The following DMAC2L variants were observed in gnomAD, a reference collection of about 807,000 sequenced individuals.
DMAC2L encodes distal membrane arm assembly component 2 like, also known as ATP synthase subunit s, mitochondrial.
Under a neutral mutation model 22.5 loss-of-function variants are expected in DMAC2L, and 21 were observed. The ratio of observed to expected loss-of-function variants is 0.93; its 90% CI spans 0.66 to 1.34. The LOEUF (loss-of-function observed/expected upper bound fraction) is 1.34. Ranked by LOEUF, DMAC2L falls within the 40% of genes most tolerant of loss-of-function variation. The pLI is 0.00. For synonymous variants in DMAC2L, 86 were observed against 89.5 expected (o/e 0.96, Z 0.22); for missense variants, 239 against 246.5 (o/e 0.97, Z 0.20).
intron 2 of DMAC2L, among the ~76,000 whole-genome samples, chr14:50,319,574 G>A (rs1350369341): frequency 6.6e-6 from 1 of 152,140 alleles, no homozygotes; most frequent in Non-Finnish European, 1.5e-5. Context: ...GTTTCAGAAA[G>A]GATTTAGGAT....
rs1255315924 is a variant in DMAC2L at position 50,324,126 on chromosome 14, C to A, written c.488+10C>A. 1.3e-6 allele frequency: 2 copies of A among 1,594,844 alleles called. No individual in the cohort carries two copies. The highest frequency in any genetic ancestry group is 4.5e-5 in the East Asian group (2 of 44,234). ...CTTTGCGTCATTTAAGGTAGATGAT[C>A]AAAGCCAAAGTGGAAACTTGATAAT... On this transcript the variant is annotated intron_variant, in intron 5 of 5. Transcript: ENST00000557421.
intron 2 of DMAC2L, among the ~76,000 whole-genome samples, chr14:50,315,523 G>A (rs1357555197): frequency 2.6e-5 from 4 of 151,590 alleles, no homozygotes; most frequent in Non-Finnish European, 4.4e-5. Context: ...TTAGCTGGGC[G>A]TGGTGGCATA....
upstream of DMAC2L, chr14:50,311,979 G>A (rs1461492306): frequency 3.2e-6 from 5 of 1,546,362 alleles, no homozygotes; most frequent in African/African-American, 2.7e-5. Context: ...GGGCAGCAGC[G>A]CAGGCGGCGG....
At chr14:50,312,701 C>A (rs2031353314) in intron 1 of DMAC2L, 1 of 368,832 alleles carries the variant, frequency 2.7e-6, no homozygotes, top group African/African-American at 2.2e-5. Context: ...GACGGAGGGC[C>A]TGGGCACCCA....
At chr14:50,317,631 G>A (rs950664961) in intron 2 of DMAC2L, among the ~76,000 whole-genome samples, 7 of 152,086 alleles carry the variant, frequency 4.6e-5, no homozygotes, top group Non-Finnish European at 7.4e-5. Flanking sequence ...TTAGCCGGAC[G>A]TGGTGGTGGG....
Position 50,325,880 on chromosome 14 carries a change from G to C in DMAC2L, c.*157G>C. The C allele has an allele frequency of 7.7e-7, 1 of 1,292,242 alleles. No homozygotes were observed. Among genetic ancestry groups the C allele is most frequent in the Non-Finnish European group, 9.8e-7 (1 of 1,017,486 alleles). The allele number at this position is 1,292,242 out of a possible 1,614,324, so 80.0% of individuals were successfully genotyped here. A position where few individuals can be genotyped will look rare whatever the true frequency, so the allele number is the denominator to read the frequency against. ...ATATGTAGAAAATAAATATTCAGACGTGGCTCATTAATGTTACTAAGTTGG... is the reference window on the plus strand; with the variant it reads ...ATATGTAGAAAATAAATATTCAGACCTGGCTCATTAATGTTACTAAGTTGG... On this transcript the variant is annotated 3_prime_UTR_variant, in exon 6 of 6. Coordinates refer to ENST00000557421, the MANE Select transcript of DMAC2L (RefSeq NM_001382507.1).
intron 1 of DMAC2L, chr14:50,313,130 A>G: frequency 3.1e-6 from 4 of 1,283,774 alleles, no homozygotes; most frequent in Middle Eastern, 1.8e-4. Flanking sequence ...AGGACCTTCT[A>G]ACTCTTTAAA....
upstream of DMAC2L, among the ~76,000 whole-genome samples, chr14:50,311,607 C>T (rs1401735601): frequency 1.3e-5 from 2 of 152,160 alleles, no homozygotes; most frequent in East Asian, 3.9e-4. Context: ...CCAAGCAACG[C>T]CAAAGACTCC....
rs1446339548 is a variant in DMAC2L, at chr14:50,326,319, A to C, written c.*596A>C. On this transcript the variant is annotated 3_prime_UTR_variant, in exon 6 of 6. Transcript: ENST00000557421. The stretch of plus-strand genomic sequence containing the variant: ...TAAATCTATAGATATCTCTTGATGT[A>C]GATATTTAGAATCCTTTAAAGTTAT... 2.7e-5 allele frequency: 16 copies of C among 591,012 alleles called. No homozygotes were observed. The highest frequency in any genetic ancestry group is 3.4e-5 in the Non-Finnish European group (16 of 470,234). The allele number at this position is 591,012 out of a possible 1,614,324, so 36.6% of individuals were successfully genotyped here. A position where few individuals can be genotyped will look rare whatever the true frequency, so the allele number is the denominator to read the frequency against.
At chr14:50,324,701 C>G (rs2032570488) in intron 5 of DMAC2L, 1 of 152,178 alleles carries the variant, frequency 6.6e-6, no homozygotes, top group South Asian at 2.1e-4. Context: ...ATAATACTAG[C>G]AAGGAATGTT....
At chr14:50,317,202 G>A (rs1275962940) in intron 2 of DMAC2L, among the ~76,000 whole-genome samples, 1 of 152,080 alleles carries the variant, frequency 6.6e-6, no homozygotes, top group Non-Finnish European at 1.5e-5. Flanking sequence ...ATTATAAAAG[G>A]GGTTGAGTTC....
chr14:50,326,496 T>TG lies in DMAC2L; in HGVS notation c.*774dup, dbSNP rs1324679168. On this transcript the variant is annotated 3_prime_UTR_variant, in exon 6 of 6. Coordinates refer to ENST00000557421, the MANE Select transcript of DMAC2L (RefSeq NM_001382507.1). ...ATTATGCAAAGTGGTCAGTGGTTGT[T>TG]GAAGCATGCATTGCTTCAACAGGAT... 1 of 985,310 alleles carries TG rather than the reference T, an allele frequency of 1.0e-6. No individual in the cohort carries two copies. Among genetic ancestry groups the TG allele is most frequent in the East Asian group, 1.1e-4 (1 of 8,834 alleles). 61.0% of individuals were successfully genotyped at this position (985,310 alleles called of 1,614,324 possible). A position where few individuals can be genotyped will look rare whatever the true frequency, so the allele number is the denominator to read the frequency against.
Position 50,325,593 on chromosome 14 carries a change from T to G in DMAC2L, c.489-16T>G. 6.3e-7 allele frequency: 1 copy of G among 1,591,150 alleles called. No individual in the cohort carries two copies. On this transcript the variant is annotated splice_polypyrimidine_tract_variant and intron_variant, in intron 5 of 5. Coordinates refer to ENST00000557421, the MANE Select transcript of DMAC2L (RefSeq NM_001382507.1). ...GCTCTTGGCCAAATTGAAGTGACTT[T>G]TTTCTTTATTTGCAGAAACCTCAAA... is the stretch of plus-strand genomic sequence containing the variant.
At chr14:50,312,787 C>T in intron 1 of DMAC2L, 3 of 535,662 alleles carry the variant, frequency 5.6e-6, no homozygotes, top group East Asian at 3.2e-5. Flanking sequence ...ATCCTCGCTC[C>T]TCACGGAGGC....
chr14:50,312,081 G>A (rs749417358), upstream of DMAC2L: 71 of 1,604,700 alleles, frequency 4.4e-5, no homozygotes, highest in Non-Finnish European at 5.6e-5. Context: ...CACGCCCCAG[G>A]GGAGCCACCG....
At chr14:50,325,463 C>T (rs2032648149) in intron 5 of DMAC2L, 146 bp from the exon 6 acceptor site, 2 of 870,072 alleles carry the variant, frequency 2.3e-6, no homozygotes, top group East Asian at 3.3e-5. Context: ...AATTTCATCT[C>T]TAAGGCTACT....
upstream of DMAC2L, chr14:50,311,968 G>T: frequency 6.5e-7 from 1 of 1,542,632 alleles, no homozygotes; most frequent in East Asian, 2.4e-5. Flanking sequence ...GCCTCCGCGA[G>T]GGGCAGCAGC....
intron 1 of DMAC2L, 122 bp from the exon 2 acceptor site, chr14:50,314,469 A>G (rs2031586675): frequency 2.2e-6 from 1 of 451,388 alleles, no homozygotes; most frequent in Non-Finnish European, 4.5e-6. Context: ...TAATACAAGT[A>G]CATTCAACTG....
At chr14:50,319,975 CAT>C (rs1313618992) in intron 2 of DMAC2L, among the ~76,000 whole-genome samples, 4 of 152,224 alleles carry the variant, frequency 2.6e-5, no homozygotes, top group African/African-American at 7.2e-5. Context: ...CGTATGGCCT[CAT>C]GTGATTGAAG....
Sources: allele counts gnomAD v4.1 joint callset (sites outside exome capture counted in the v4.1 genomes callset), GRCh38; gene constraint gnomAD v4.1.1; transcripts MANE v1.5; gene names NCBI Gene and HGNC (gene_info 2026-07-23, HGNC 2026-07-21).